Variants in PTPRD observed in about 807,000 individuals in gnomAD.
PTPRD encodes the protein protein tyrosine phosphatase receptor type D.
In PTPRD, 34 loss-of-function variants were observed where a neutral mutation model predicts 214.5. The observed-to-expected ratio is 0.16, with a 90% CI of 0.12 to 0.21. PTPRD has a LOEUF of 0.21. Ranked by LOEUF, PTPRD falls within the 10% of genes least tolerant of loss-of-function variation. PTPRD has a pLI of 1.00. For missense variants in PTPRD, 2,545 were observed against 2,398.7 expected (o/e 1.06, Z -1.27); for synonymous variants, 1,128 against 845.7 (o/e 1.33, Z -5.79).
intron 11 of PTPRD, among the ~76,000 whole-genome samples, chr9:8,934,989 A>G (rs556676427): frequency 3.9e-5 from 6 of 152,214 alleles, no homozygotes; most frequent in African/African-American, 1.4e-4. Flanking sequence ...GTGTATACAT[A>G]TGTCTTTCTG....
At chr9:9,533,386 A>C (rs980838081) in intron 8 of PTPRD, among the ~76,000 whole-genome samples, 1 of 152,110 alleles carries the variant, frequency 6.6e-6, no homozygotes, top group African/African-American at 2.4e-5. Flanking sequence ...CATTGATATT[A>C]GCTTTTGCTC....
chr9:10,417,890 A>G (rs2098507520), intron 2 of PTPRD, among the ~76,000 whole-genome samples: 1 of 151,686 alleles, frequency 6.6e-6, no homozygotes, highest in South Asian at 2.1e-4. Context: ...ACATATCTTC[A>G]GGACTTCATT....
At chr9:9,949,588 G>A (rs887828161) in intron 4 of PTPRD, among the ~76,000 whole-genome samples, 1 of 152,088 alleles carries the variant, frequency 6.6e-6, no homozygotes, top group African/African-American at 2.4e-5. Flanking sequence ...ATACGACCTA[G>A]GTTAAGCCAA....
chr9:9,070,166 A>C (rs1366893795), intron 10 of PTPRD, among the ~76,000 whole-genome samples: 1 of 152,186 alleles, frequency 6.6e-6, no homozygotes, highest in Non-Finnish European at 1.5e-5. Context: ...TAAATTAGCT[A>C]GATTCTGTCT....
At chr9:8,821,124 C>T (rs560500070) in intron 11 of PTPRD, among the ~76,000 whole-genome samples, 1 of 152,246 alleles carries the variant, frequency 6.6e-6, no homozygotes, top group East Asian at 1.9e-4. Flanking sequence ...CTCCTCTGAT[C>T]CCTCTGCTCC....
At chr9:10,123,787 A>G (rs2098794952) in intron 3 of PTPRD, among the ~76,000 whole-genome samples, 1 of 152,196 alleles carries the variant, frequency 6.6e-6, no homozygotes, top group African/African-American at 2.4e-5. Flanking sequence ...TATTGCCAGT[A>G]CTGTGTTTTA....
At chr9:9,451,636 C>A (rs1208576248) in intron 8 of PTPRD, among the ~76,000 whole-genome samples, 1 of 151,476 alleles carries the variant, frequency 6.6e-6, no homozygotes, top group Non-Finnish European at 1.5e-5. Context: ...GAAGAAAAAT[C>A]AAACTCACAT....
rs556879139 is a variant in PTPRD at position 9,092,046 on chromosome 9, G to A, written c.-142-73311C>T. Among the ~76,000 whole-genome samples the A allele has an allele frequency of 4.8e-3, 725 of 152,266 alleles. 7 individuals carry two copies. Among genetic ancestry groups the A allele is most frequent in the African/African-American group, 0.017 (691 of 41,558 alleles). On this transcript the variant is annotated intron_variant, in intron 10 of 45. Transcript: ENST00000381196. Reference sequence around the variant, plus strand: ...CCAGAGAGAAAGTCATGCCACTTTAGAAGATTCACTCTTAAACTTTCATTT... The same window carrying A: ...CCAGAGAGAAAGTCATGCCACTTTAAAAGATTCACTCTTAAACTTTCATTT...
intron 7 of PTPRD, among the ~76,000 whole-genome samples, chr9:9,617,161 T>G (rs2094923998): frequency 6.6e-6 from 1 of 152,182 alleles, no homozygotes; most frequent in South Asian, 2.1e-4. Context: ...TTTTTATTTT[T>G]CCAACTTATT....
chr9:8,449,876 A>G (rs370665037), intron 33 of PTPRD, 39 bp from the exon 34 acceptor site: 7 of 1,592,552 alleles, frequency 4.4e-6, no homozygotes, highest in Non-Finnish European at 6.0e-6. Context: ...GAAAAGAAAA[A>G]TCAATTGAAA....
chr9:9,900,777 C>T (rs1418527941), intron 5 of PTPRD, among the ~76,000 whole-genome samples: 1 of 151,972 alleles, frequency 6.6e-6, no homozygotes, highest in African/African-American at 2.4e-5. Flanking sequence ...GCTGGAACTA[C>T]AGGCACGTGC....
chr9:8,958,048 T>A (rs1431063405), intron 11 of PTPRD, among the ~76,000 whole-genome samples: 1 of 151,946 alleles, frequency 6.6e-6, no homozygotes, highest in Non-Finnish European at 1.5e-5. Context: ...GTAATGCTAA[T>A]CATTTGTTCT....
chr9:10,388,652 G>C (rs1385233944), intron 2 of PTPRD, among the ~76,000 whole-genome samples: 3 of 151,814 alleles, frequency 2.0e-5, no homozygotes, highest in African/African-American at 7.3e-5. Context: ...AGAGGCTTTG[G>C]ACTTAAGAAA....
intron 11 of PTPRD, among the ~76,000 whole-genome samples, chr9:8,823,481 T>A (rs191501371): frequency 6.6e-6 from 1 of 152,174 alleles, no homozygotes; most frequent in East Asian, 1.9e-4. Flanking sequence ...GCCTTCCCCA[T>A]CTCAAGAAAT....
chr9:9,871,488 A>T (rs1432316156), intron 5 of PTPRD, among the ~76,000 whole-genome samples: 1 of 152,198 alleles, frequency 6.6e-6, no homozygotes, highest in South Asian at 2.1e-4. Flanking sequence ...GAGAGATTGG[A>T]TTCAGGGGAG....
chr9:9,856,625 G>T (rs1433059041), intron 5 of PTPRD, among the ~76,000 whole-genome samples: 1 of 135,078 alleles, frequency 7.4e-6, no homozygotes, highest in East Asian at 2.8e-4. Flanking sequence ...TAAAAAAAAA[G>T]AAGAAAATTT....
chr9:10,053,848 T>C (rs1003635299), intron 3 of PTPRD, among the ~76,000 whole-genome samples: 2 of 152,168 alleles, frequency 1.3e-5, no homozygotes, highest in African/African-American at 4.8e-5. Flanking sequence ...AACCTCCGCC[T>C]CACGGGTTCA....
chr9:8,324,392 T>C (rs971338829), intron 44 of PTPRD, among the ~76,000 whole-genome samples: 9 of 152,120 alleles, frequency 5.9e-5, no homozygotes, highest in African/African-American at 2.2e-4. Flanking sequence ...AGAATGATGG[T>C]TTCCAGCTTC....
chr9:8,453,298 G>C (rs1455113047), intron 33 of PTPRD, among the ~76,000 whole-genome samples: 1 of 152,040 alleles, frequency 6.6e-6, no homozygotes, highest in Non-Finnish European at 1.5e-5. Context: ...CGAGTAGCTG[G>C]GATTACAGGC....
Sources: allele counts gnomAD v4.1 joint callset (sites outside exome capture counted in the v4.1 genomes callset), GRCh38; gene constraint gnomAD v4.1.1; transcripts MANE v1.5; gene names NCBI Gene and HGNC (gene_info 2026-07-23, HGNC 2026-07-21).